TAFA2: variants seen among roughly 807,000 people sequenced by gnomAD.
TAFA2 encodes chemokine-like protein TAFA-2.
In TAFA2, 7 loss-of-function variants were observed where a neutral mutation model predicts 18.8. The observed-to-expected ratio is 0.37, with a 90% CI of 0.21 to 0.70. TAFA2 has a LOEUF of 0.70. Among genes scored for constraint, TAFA2 ranks in the 30% least tolerant of loss-of-function variants. The pLI, the probability that TAFA2 is intolerant of heterozygous loss-of-function variation, is 0.53. For synonymous variants in TAFA2, 60 were observed against 54.2 expected (o/e 1.11, Z -0.47); for missense variants, 122 against 158.1 (o/e 0.77, Z 1.23).
At chr12:61,886,729 G>C (rs1300138812) in intron 1 of TAFA2, among the ~76,000 whole-genome samples, 1 of 152,148 alleles carries the variant, frequency 6.6e-6, no homozygotes, top group Non-Finnish European at 1.5e-5. Context: ...TTTGACTTTT[G>C]TTGTCTTATA....
At position 62,234,829 on chromosome 12, in the gene TAFA2, C is replaced by T. The variant is rs1174605503; in HGVS notation, c.-130+23934G>A. On this transcript the variant is annotated intron_variant, in intron 1 of 5. Coordinates refer to the TAFA2 transcript ENST00000551619. ...CCTGCTTGGGAGTCTGGCTGACTTA[C>T]GAGAGTCCTGAGATCCTAAAACCAG... is the stretch of plus-strand genomic sequence containing the variant. 2.8e-5 allele frequency: 29 copies of T among 1,031,336 alleles called. No homozygotes were observed. The Middle Eastern group carries it at 6.2e-4, about 22-fold the overall frequency. 63.9% of individuals were successfully genotyped at this position (1,031,336 alleles called of 1,614,324 possible). A position where few individuals can be genotyped will look rare whatever the true frequency, so the allele number is the denominator to read the frequency against.
intron 1 of TAFA2, among the ~76,000 whole-genome samples, chr12:62,174,947 A>G (rs1191526084): frequency 6.6e-6 from 1 of 152,206 alleles, no homozygotes; most frequent in Non-Finnish European, 1.5e-5. Flanking sequence ...CTCCGAGAGT[A>G]ATGATGCTCC....
intron 1 of TAFA2, among the ~76,000 whole-genome samples, chr12:61,933,794 G>T (rs7977306): frequency 0.088 from 13,408 of 152,174 alleles, 1,946 homozygotes; most frequent in African/African-American, 0.3. Context: ...TTTTGTTGAA[G>T]GCTTTATAAG....
At chr12:62,130,948 C>T (rs561892831) in intron 1 of TAFA2, among the ~76,000 whole-genome samples, 4 of 151,876 alleles carry the variant, frequency 2.6e-5, no homozygotes, top group African/African-American at 4.8e-5. Flanking sequence ...GAAAACTTGA[C>T]AAGTGATAAG....
chr12:62,117,102 C>T (rs1428107158), intron 1 of TAFA2, among the ~76,000 whole-genome samples: 4 of 152,136 alleles, frequency 2.6e-5, no homozygotes, highest in Admixed American at 2.6e-4. Context: ...CTTCTATCTT[C>T]CGGAAACTTT....
At position 61,743,168 on chromosome 12, in the gene TAFA2, G is replaced by A. The variant is rs544404488; in HGVS notation, c.384+10454C>T. Among the ~76,000 whole-genome samples, 12 of 152,068 alleles carry A rather than the reference G, an allele frequency of 7.9e-5. No homozygotes were observed. In the East Asian group the frequency reaches 2.1e-3, roughly 27 times the overall value. On this transcript the variant is annotated intron_variant, in intron 4 of 4. Transcript: ENST00000416284. ...CCATGAAATGGTTTCAATTCCATGAGTAAGATATGATCTTCTATTCCGTCA... is the reference window on the plus strand; with the variant it reads ...CCATGAAATGGTTTCAATTCCATGAATAAGATATGATCTTCTATTCCGTCA...
intron 1 of TAFA2, among the ~76,000 whole-genome samples, chr12:61,938,746 G>A (rs1320604779): frequency 1.3e-5 from 2 of 152,112 alleles, no homozygotes; most frequent in South Asian, 2.1e-4. Context: ...ATGAAATAAT[G>A]TCTTTTGCAG....
intron 1 of TAFA2, among the ~76,000 whole-genome samples, chr12:62,106,937 C>T (rs946931707): frequency 3.3e-5 from 5 of 152,032 alleles, no homozygotes; most frequent in Non-Finnish European, 5.9e-5. Flanking sequence ...GACACCCTTC[C>T]TCTATTATCA....
At chr12:62,102,924 A>G (rs75392029) in intron 1 of TAFA2, among the ~76,000 whole-genome samples, 8,248 of 152,270 alleles carry the variant, frequency 0.054, 334 homozygotes, top group Non-Finnish European at 0.083. Flanking sequence ...AGTCTACTAC[A>G]GTCTCTCCAA....
chr12:62,048,206 A>G (rs1038712691), intron 1 of TAFA2, among the ~76,000 whole-genome samples: 2 of 152,222 alleles, frequency 1.3e-5, no homozygotes, highest in African/African-American at 4.8e-5. Context: ...ATTGACTTAC[A>G]GTTCAGCATG....
chr12:61,765,380 G>A (rs1259971892), intron 2 of TAFA2, among the ~76,000 whole-genome samples: 1 of 152,040 alleles, frequency 6.6e-6, no homozygotes, highest in African/African-American at 2.4e-5. Context: ...GCTATGTTAA[G>A]CCAATGTAAT....
chr12:61,762,631 T>TATATA (rs1555162973), intron 2 of TAFA2, among the ~76,000 whole-genome samples: 1 of 44,664 alleles, frequency 2.2e-5, no homozygotes, highest in African/African-American at 7.6e-5. Flanking sequence ...TAATTTCATT[T>TATATA]TTTATATATA....
At chr12:61,892,277 G>A (rs1181991076) in intron 1 of TAFA2, among the ~76,000 whole-genome samples, 3 of 152,076 alleles carry the variant, frequency 2.0e-5, no homozygotes, top group Non-Finnish European at 4.4e-5. Context: ...GTGGAAATGA[G>A]TTAATTGTCT....
At chr12:62,143,074 C>T (rs954431827) in intron 1 of TAFA2, among the ~76,000 whole-genome samples, 6 of 152,148 alleles carry the variant, frequency 3.9e-5, no homozygotes, top group Non-Finnish European at 7.4e-5. Context: ...CCATACCTGC[C>T]TTTCCAAACT....
intron 1 of TAFA2, among the ~76,000 whole-genome samples, chr12:61,990,802 G>T (rs190796950): frequency 6.6e-6 from 1 of 152,140 alleles, no homozygotes; most frequent in Non-Finnish European, 1.5e-5. Flanking sequence ...GCTTGAATCC[G>T]CATCTGATCA....
At chr12:62,212,740 T>C (rs2062719461) in intron 1 of TAFA2, among the ~76,000 whole-genome samples, 1 of 152,254 alleles carries the variant, frequency 6.6e-6, no homozygotes, top group African/African-American at 2.4e-5. Flanking sequence ...TTTATTCATT[T>C]GGCATTCTAA....
intron 1 of TAFA2, among the ~76,000 whole-genome samples, chr12:62,124,837 G>A (rs1461681352): frequency 1.3e-5 from 2 of 152,080 alleles, no homozygotes; most frequent in Admixed American, 6.6e-5. Flanking sequence ...TCTAGTTACT[G>A]GTGTAGCCAG....
At chr12:61,931,129 AT>A (rs1248081647) in intron 1 of TAFA2, among the ~76,000 whole-genome samples, 1 of 152,204 alleles carries the variant, frequency 6.6e-6, no homozygotes, top group Non-Finnish European at 1.5e-5. Context: ...ATCATAAATA[AT>A]TTTAGTTTTT....
At chr12:62,165,875 A>G (rs1435470170) in intron 1 of TAFA2, among the ~76,000 whole-genome samples, 1 of 151,568 alleles carries the variant, frequency 6.6e-6, no homozygotes, top group African/African-American at 2.4e-5. Flanking sequence ...AGAATTTAAC[A>G]TGTTGCCAGT....
Sources: allele counts gnomAD v4.1 joint callset (sites outside exome capture counted in the v4.1 genomes callset), GRCh38; gene constraint gnomAD v4.1.1; transcripts MANE v1.5; gene names NCBI Gene and HGNC (gene_info 2026-07-23, HGNC 2026-07-21).